The following NSUN2 variants were observed in gnomAD, a reference collection of about 807,000 sequenced individuals.
NSUN2 encodes the protein RNA cytosine C(5)-methyltransferase NSUN2.
In NSUN2, 63 loss-of-function variants were observed where a neutral mutation model predicts 92.7. That is an observed-to-expected ratio of 0.68 (90% CI 0.56 to 0.84). NSUN2 has a LOEUF of 0.84. NSUN2 is among the 40% of genes least tolerant of loss of function. NSUN2 has a pLI of 0.00. For synonymous variants in NSUN2, 356 were observed against 348.3 expected, an observed-to-expected ratio of 1.02 and a Z score of -0.25; for missense variants, 989 against 964.9, an observed-to-expected ratio of 1.02 and a Z score of -0.33.
At chr5:6,621,665 G>A (rs1016707987) in intron 6 of NSUN2, 6 of 170,972 alleles carry the variant, frequency 3.5e-5, no homozygotes, top group Admixed American at 1.2e-4. Context: ...GGAGAATGGC[G>A]TGAACCCAGG....
intron 13 of NSUN2, 113 bp from the exon 14 acceptor site, chr5:6,607,025 C>A: frequency 1.0e-6 from 1 of 961,324 alleles, no homozygotes; most frequent in South Asian, 1.5e-5. Context: ...CGGTTTGCGG[C>A]AGATGTTGAA....
In NSUN2 at chr5:6,622,008, A is replaced by G. The variant is rs757942284; in HGVS notation, c.622+8T>C. 13 of 1,611,504 alleles carry G rather than the reference A, an allele frequency of 8.1e-6. No individual in the cohort carries two copies. In the South Asian group the frequency reaches 1.3e-4, roughly 16 times the overall value. ...TCCTACCATTTTGAACACAAGTCCA[A>G]TGCATACCTGGAAAGGGGACATTCA... is the stretch of plus-strand genomic sequence containing the variant. On this transcript the variant is annotated splice_region_variant and intron_variant, in intron 6 of 18. Transcript: ENST00000264670.
At chr5:6,613,396 T>G (rs1204718206) in intron 9 of NSUN2, among the ~76,000 whole-genome samples, 1 of 152,238 alleles carries the variant, frequency 6.6e-6, no homozygotes, top group Non-Finnish European at 1.5e-5. Context: ...TAAAACCCAC[T>G]GGCCAAACGG....
intron 4 of NSUN2, among the ~76,000 whole-genome samples, chr5:6,625,296 T>C (rs1034936439): frequency 6.6e-6 from 1 of 152,114 alleles, no homozygotes; most frequent in African/African-American, 2.4e-5. Context: ...CCCAACCCTA[T>C]AGCCATCCAA....
intron 3 of NSUN2, among the ~76,000 whole-genome samples, chr5:6,630,337 G>A (rs1172199240): frequency 3.9e-5 from 6 of 152,046 alleles, no homozygotes; most frequent in East Asian, 1.9e-4. Flanking sequence ...ACATGGTCTC[G>A]CTCTGTGGCC....
Position 6,631,934 on chromosome 5 carries a change from TA to T in NSUN2, c.297del (p.Phe99LeufsTer20). 3 of 1,614,084 alleles carry T rather than the reference TA, an allele frequency of 1.9e-6. No individual in the cohort carries two copies. Among genetic ancestry groups the T allele is most frequent in the Non-Finnish European group, 2.5e-6 (3 of 1,179,982 alleles). ...EILHCLKNKY[F>X]KELEDLEVDG... ...TCCACCTCCAGGTCCTCCAATTCCT[TA>T]AAATATTTGTTCTTTAAGCAATGGA... On this transcript the variant is annotated frameshift_variant, in exon 3 of 19. Transcript: ENST00000264670. LOFTEE classifies it high-confidence loss of function.
chr5:6,619,823 T>G (rs1737362173), intron 7 of NSUN2, among the ~76,000 whole-genome samples: 1 of 151,904 alleles, frequency 6.6e-6, no homozygotes, highest in Non-Finnish European at 1.5e-5. Flanking sequence ...AGTCTACGAT[T>G]CTATTTTCCT....
At chr5:6,600,509 C>T (rs541534627) in intron 18 of NSUN2, among the ~76,000 whole-genome samples, 1 of 152,302 alleles carries the variant, frequency 6.6e-6, no homozygotes, top group South Asian at 2.1e-4. Context: ...ATTTCACATA[C>T]ACTTTCTACA....
At chr5:6,619,019 A>T (rs1438844252) in intron 7 of NSUN2, among the ~76,000 whole-genome samples, 1 of 152,188 alleles carries the variant, frequency 6.6e-6, no homozygotes, top group Non-Finnish European at 1.5e-5. Context: ...CAATTTCAGA[A>T]ATTTCCCCAG....
intron 11 of NSUN2, 48 bp downstream of exon 11, chr5:6,610,907 G>C (rs765140873): frequency 1.2e-6 from 2 of 1,607,126 alleles, no homozygotes; most frequent in South Asian, 2.2e-5. Context: ...ACCAGGGATG[G>C]GGCTTAACCT....
intron 2 of NSUN2, among the ~76,000 whole-genome samples, 182 bp from the exon 3 acceptor site, chr5:6,632,159 G>A (rs988614815): frequency 1.3e-5 from 2 of 151,984 alleles, no homozygotes; most frequent in African/African-American, 4.8e-5. Flanking sequence ...CACACTGTTT[G>A]AGCCCTAAGA....
chr5:6,613,878 C>T (rs991439652), intron 9 of NSUN2, among the ~76,000 whole-genome samples: 3 of 152,034 alleles, frequency 2.0e-5, no homozygotes, highest in Non-Finnish European at 4.4e-5. Flanking sequence ...GGGAAGACTG[C>T]CTGAAGTCAG....
chr5:6,604,735 T>C lies in NSUN2; in HGVS notation c.1738-50A>G, dbSNP rs774138013. 8 of 1,472,286 alleles carry C rather than the reference T, an allele frequency of 5.4e-6. 1 individual carries two copies. In the South Asian group the frequency reaches 7.9e-5, roughly 15 times the overall value. 91.2% of individuals were successfully genotyped at this position (1,472,286 alleles called of 1,614,324 possible). Reference sequence around the variant, plus strand: ...ACACAGAGAGATGAAGACAGGACCATCTCCTGTAAGGATGCCGGGCCACAT... The same window carrying C: ...ACACAGAGAGATGAAGACAGGACCACCTCCTGTAAGGATGCCGGGCCACAT... On this transcript the variant is annotated intron_variant, in intron 15 of 18. Transcript: ENST00000264670.
chr5:6,603,677 G>A (rs544585320), intron 17 of NSUN2, among the ~76,000 whole-genome samples: 3 of 152,282 alleles, frequency 2.0e-5, no homozygotes, highest in South Asian at 2.1e-4. Flanking sequence ...GTGACAGAGC[G>A]AGACTCTGTC....
chr5:6,625,273 G>A (rs1737612141), intron 4 of NSUN2, among the ~76,000 whole-genome samples: 2 of 152,140 alleles, frequency 1.3e-5, no homozygotes, highest in African/African-American at 4.8e-5. Flanking sequence ...GGAAATGAGA[G>A]TGCAGTGCTC....
At position 6,618,302 on chromosome 5, in the gene NSUN2, G is replaced by A. The variant is rs563841636; in HGVS notation, c.816-278C>T. On this transcript the variant is annotated intron_variant, in intron 7 of 18. Transcript: ENST00000264670. ...GGAGATATTAATGTGCTTCCATTTG[G>A]AAAAAACACTAGCAAGACTAATTTG... 2.6e-4 allele frequency among the ~76,000 whole-genome samples: 39 copies of A among 152,206 alleles called. No homozygotes were observed. The East Asian group carries it at 7.1e-3, about 28-fold the overall frequency.
At position 6,618,139 on chromosome 5, in the gene NSUN2, A is replaced by C; in HGVS notation, c.816-115T>G. 1.2e-5 allele frequency: 8 copies of C among 667,718 alleles called. No individual in the cohort carries two copies. The South Asian group carries it at 1.6e-4, about 13-fold the overall frequency. 41.4% of individuals were successfully genotyped at this position (667,718 alleles called of 1,614,324 possible). ...ACAAGTGTTACAAATATCAGTTAGG[A>C]AACAATCTCCATTTTCACCAACTGC... On this transcript the variant is annotated intron_variant, in intron 7 of 18. Transcript: ENST00000264670.
chr5:6,628,086 G>A (rs1343442979), intron 3 of NSUN2, among the ~76,000 whole-genome samples: 1 of 152,194 alleles, frequency 6.6e-6, no homozygotes, highest in Non-Finnish European at 1.5e-5. Flanking sequence ...AGTGGCTCAT[G>A]CCTGTAACAC....
intron 12 of NSUN2, among the ~76,000 whole-genome samples, chr5:6,609,491 A>C (rs1338985705): frequency 6.6e-6 from 1 of 152,224 alleles, no homozygotes; most frequent in East Asian, 1.9e-4. Flanking sequence ...ACCACTCACA[A>C]GGAACTAGAG....
Sources: gnomAD v4.1 joint callset for allele counts (sites outside exome capture counted in the v4.1 genomes callset) on GRCh38, gnomAD v4.1.1 for gene constraint, MANE v1.5 for transcripts, NCBI Gene and HGNC (gene_info 2026-07-23, HGNC 2026-07-21) for gene names.